TRMT11: variants seen among roughly 807,000 people sequenced by gnomAD.
The protein encoded by TRMT11 is tRNA methyltransferase 11, also known as tRNA (guanine(10)-N(2))-methyltransferase TRMT11.
A neutral mutation model predicts 62.8 loss-of-function variants in TRMT11; 53 were observed. The ratio of observed to expected loss-of-function variants is 0.84; its 90% confidence interval spans 0.68 to 1.06. TRMT11 has a LOEUF of 1.06. Among genes scored for constraint, TRMT11 ranks in the 50% least tolerant of loss-of-function variants. The pLI, the probability that TRMT11 is intolerant of heterozygous loss-of-function variation, is 0.00. For synonymous variants in TRMT11, 188 were observed against 190.3 expected (o/e 0.99, Z 0.10); for missense variants, 556 against 553.4 (o/e 1.00, Z -0.05).
At chr6:126,063,934 CAG>C (rs1173468153) in intron 17 of TRMT11, among the ~76,000 whole-genome samples, 1 of 152,096 alleles carries the variant, frequency 6.6e-6, no homozygotes, top group Non-Finnish European at 1.5e-5. Context: ...TGGATCAAAA[CAG>C]GGAAGTGGGC....
At chr6:126,220,549 C>G in the TRMT11 span, among the ~76,000 whole-genome samples, 1 of 152,194 alleles carries the variant, frequency 6.6e-6, no homozygotes, top group South Asian at 2.1e-4. Context: ...GTTTCACGCT[C>G]TGAAGATCAT....
chr6:126,233,035 A>G, the TRMT11 span, among the ~76,000 whole-genome samples: 1 of 152,022 alleles, frequency 6.6e-6, no homozygotes. Flanking sequence ...TTTGTTCTGC[A>G]TGCTTTTTGT....
chr6:126,193,488 G>GT lies in TRMT11; in HGVS notation n.144-5310dup, dbSNP rs1778627491. Among the ~76,000 whole-genome samples the GT allele has an allele frequency of 6.3e-4, 74 of 118,110 alleles. 2 individuals are homozygous for GT. Among genetic ancestry groups the GT allele is most frequent in the African/African-American group, 2.6e-3 (69 of 26,884 alleles). 77.5% of individuals were successfully genotyped at this position (118,110 alleles called of 152,430 possible). ...TAGGTTATTTAAGAGGAGCGTTTCT[G>GT]TATTTTTTTTTTTTTTTTTTTTTTT... On this transcript the variant is annotated intron_variant and non_coding_transcript_variant, in intron 1 of 3. Transcript: ENST00000444229.
chr6:126,252,130 C>T, the TRMT11 span, among the ~76,000 whole-genome samples: 47 of 152,310 alleles, frequency 3.1e-4, no homozygotes, highest in Admixed American at 5.2e-4. Flanking sequence ...CAGTAAGGTA[C>T]GAAAGGACAG....
intron 16 of TRMT11, among the ~76,000 whole-genome samples, chr6:126,050,482 C>A (rs1776184187): frequency 6.6e-6 from 1 of 152,068 alleles, no homozygotes; most frequent in Non-Finnish European, 1.5e-5. Flanking sequence ...GCCGGAGGAT[C>A]ACTTGGGGCC....
chr6:126,251,020 T>C, the TRMT11 span, among the ~76,000 whole-genome samples: 1 of 151,772 alleles, frequency 6.6e-6, no homozygotes, highest in Non-Finnish European at 1.5e-5. Flanking sequence ...TTGTTTTTTT[T>C]TTTTAATTTT....
intron 7 of TRMT11, among the ~76,000 whole-genome samples, chr6:126,005,029 A>G (rs543174021): frequency 8.5e-5 from 13 of 152,204 alleles, no homozygotes; most frequent in African/African-American, 3.1e-4. Flanking sequence ...GGGAAGAGAC[A>G]TAGCATTGTG....
In TRMT11 at chr6:126,151,830, CTTTCTTT is replaced by C. The variant is rs1562334751; in HGVS notation, c.*1824-22994_*1824-22988del. On this transcript the variant is annotated intron_variant and NMD_transcript_variant, in intron 21 of 22. Transcript: ENST00000648977. ...CTTTTCTTTCTTTCTTTCTTTCTTT[CTTTCTTT>C]CTTTCTTTCTTTCTTTCTTTCTTTC... 6.0e-4 allele frequency among the ~76,000 whole-genome samples: 67 copies of C among 112,412 alleles called. 2 individuals are homozygous for C. Among genetic ancestry groups the C allele is most frequent in the African/African-American group, 2.5e-3 (66 of 26,668 alleles). The allele number at this position is 112,412 out of a possible 152,430, so 73.7% of individuals were successfully genotyped here.
chr6:126,122,186 G>A lies in TRMT11; in HGVS notation c.*1823+6331G>A, dbSNP rs9491561. ...GATTGTGAGGCCTCCCTAGCCATGT[G>A]GAACTGGGAGCCCATTAAACCTCTT... On this transcript the variant is annotated intron_variant and NMD_transcript_variant, in intron 21 of 22. Transcript: ENST00000648977. Among the ~76,000 whole-genome samples, 156 of 152,192 alleles carry A rather than the reference G, an allele frequency of 1.0e-3. 1 individual carries two copies. Among genetic ancestry groups the A allele is most frequent in the African/African-American group, 3.6e-3 (150 of 41,530 alleles).
chr6:126,052,801 TTCTC>T (rs1254147784), intron 16 of TRMT11, among the ~76,000 whole-genome samples: 2 of 152,340 alleles, frequency 1.3e-5, no homozygotes, highest in African/African-American at 4.8e-5. Flanking sequence ...TTAGCTTGTT[TTCTC>T]TCTTAGTTTT....
rs967339291 is a variant in TRMT11, at chr6:126,191,713, A to C, written n.144-7086A>C. Among the ~76,000 whole-genome samples, 53 of 152,008 alleles carry C rather than the reference A, an allele frequency of 3.5e-4. 1 individual carries two copies. Among genetic ancestry groups the C allele is most frequent in the Admixed American group, 3.1e-3 (47 of 15,262 alleles). On this transcript the variant is annotated intron_variant and non_coding_transcript_variant, in intron 1 of 3. Coordinates refer to the TRMT11 transcript ENST00000444229. ...TTATTAAAGAAACTGTATTTTCTAC[A>C]ATGTATGTTCTTGGTACTTTTGTCA...
chr6:126,000,165 G>A (rs532693096), intron 7 of TRMT11, among the ~76,000 whole-genome samples: 1 of 152,230 alleles, frequency 6.6e-6, no homozygotes, highest in Admixed American at 6.5e-5. Flanking sequence ...AGTGACCTTG[G>A]TTTTTTGTGC....
the TRMT11 span, among the ~76,000 whole-genome samples, chr6:126,234,186 C>T: frequency 6.6e-6 from 1 of 152,072 alleles, no homozygotes; most frequent in South Asian, 2.1e-4. Context: ...TACCGATTTG[C>T]CTTGTTAGAG....
chr6:125,986,906 C>G, intron 1 of TRMT11: 2 of 441,048 alleles, frequency 4.5e-6, no homozygotes, highest in Non-Finnish European at 8.1e-6. Context: ...ATCTCACTCC[C>G]GGAGCTCTTC....
upstream of TRMT11, among the ~76,000 whole-genome samples, chr6:126,172,376 A>G (rs974345821): frequency 1.3e-5 from 2 of 152,276 alleles, no homozygotes; most frequent in Admixed American, 6.5e-5. Context: ...CCTGTGGGCC[A>G]TCTGTCTTTC....
chr6:126,250,583 C>CA, the TRMT11 span, among the ~76,000 whole-genome samples: 1 of 152,142 alleles, frequency 6.6e-6, no homozygotes, highest in African/African-American at 2.4e-5. Context: ...AGGCAAGCAT[C>CA]AAAAACATTT....
chr6:126,127,114 G>C (rs764276195), intron 21 of TRMT11, among the ~76,000 whole-genome samples: 5 of 152,136 alleles, frequency 3.3e-5, no homozygotes, highest in Non-Finnish European at 4.4e-5. Context: ...AGTGTTCAGT[G>C]CACTTCTGAG....
At chr6:126,258,441 G>A in the TRMT11 span, 22 of 300,200 alleles carry the variant, frequency 7.3e-5, 1 homozygote, top group East Asian at 8.5e-5. Flanking sequence ...TGCTGGCTCC[G>A]CTCTGCGCAG....
At chr6:126,066,900 C>A (rs1040470581) in intron 17 of TRMT11, among the ~76,000 whole-genome samples, 1 of 150,736 alleles carries the variant, frequency 6.6e-6, no homozygotes, top group Non-Finnish European at 1.5e-5. Flanking sequence ...TGCTGGGCAA[C>A]TGACCAACTT....
Sources: gnomAD v4.1 joint callset for allele counts (sites outside exome capture counted in the v4.1 genomes callset) on GRCh38, gnomAD v4.1.1 for gene constraint, MANE v1.5 for transcripts, NCBI Gene and HGNC (gene_info 2026-07-23, HGNC 2026-07-21) for gene names.